The following KCNJ6 variants were observed in gnomAD, a reference collection of about 807,000 sequenced individuals.
The protein encoded by KCNJ6 is G protein-activated inward rectifier potassium channel 2.
Under a neutral mutation model 34.2 loss-of-function variants are expected in KCNJ6, and 9 were observed. That is an observed-to-expected ratio of 0.26 (90% CI 0.16 to 0.46). The LOEUF (loss-of-function observed/expected upper bound fraction) is 0.46, where lower values mean the gene tolerates loss of function less well. Among genes scored for constraint, KCNJ6 ranks in the 20% least tolerant of loss-of-function variants. The pLI is 1.00. For synonymous variants in KCNJ6, 196 were observed against 207.1 expected (o/e 0.95, Z 0.46); for missense variants, 236 against 531.3 (o/e 0.44, Z 5.46).
chr21:37,619,933 C>G lies in KCNJ6; in HGVS notation c.*5226G>C, dbSNP rs1304659764. ...CTGGCTGTTGACTCTATTTGCCACT[C>G]TGGAGGAATGGCATGAAAAGGAAGG... On this transcript the variant is annotated 3_prime_UTR_variant, in exon 4 of 4. Coordinates refer to ENST00000609713, the MANE Select transcript of KCNJ6 (RefSeq NM_002240.5). The G allele has an allele frequency of 6.6e-6, 1 of 152,158 alleles. No homozygotes were observed. Among genetic ancestry groups the G allele is most frequent in the Non-Finnish European group, 1.5e-5 (1 of 68,040 alleles). 9.4% of individuals were successfully genotyped at this position (152,158 alleles called of 1,614,324 possible).
At chr21:37,773,978 A>G (rs1381728064) in intron 2 of KCNJ6, among the ~76,000 whole-genome samples, 1 of 152,154 alleles carries the variant, frequency 6.6e-6, no homozygotes, top group East Asian at 1.9e-4. Flanking sequence ...TTTCCAAAAC[A>G]CTGTTTTTAT....
At chr21:37,792,597 G>A (rs1354657232) in intron 2 of KCNJ6, among the ~76,000 whole-genome samples, 1 of 152,108 alleles carries the variant, frequency 6.6e-6, no homozygotes, top group Non-Finnish European at 1.5e-5. Context: ...ATATGCTAAG[G>A]GTTGTATGCT....
intron 1 of KCNJ6, among the ~76,000 whole-genome samples, chr21:37,879,756 TGA>T (rs890607186): frequency 2.5e-4 from 30 of 118,940 alleles, no homozygotes; most frequent in Non-Finnish European, 1.1e-4. Context: ...TGTGTGTGTG[TGA>T]CAGAGAGAGA....
intron 1 of KCNJ6, among the ~76,000 whole-genome samples, chr21:37,886,419 AG>A (rs930552816): frequency 2.0e-4 from 30 of 152,340 alleles, no homozygotes; most frequent in African/African-American, 7.2e-4. Context: ...CCCGAAAGTA[AG>A]AAAACAGAGT....
intron 1 of KCNJ6, among the ~76,000 whole-genome samples, chr21:37,880,941 T>A (rs2055704645): frequency 6.6e-6 from 1 of 151,972 alleles, no homozygotes; most frequent in South Asian, 2.1e-4. Flanking sequence ...TAGAGATGGC[T>A]CAGGAGGGAT....
chr21:37,912,083 A>G (rs2055869501), intron 1 of KCNJ6, among the ~76,000 whole-genome samples: 1 of 152,192 alleles, frequency 6.6e-6, no homozygotes, highest in Admixed American at 6.5e-5. Context: ...AGGAAAACAT[A>G]CTAATGTTTA....
rs1008130338 is a variant in KCNJ6, at chr21:37,612,851, TAA to T, written c.*12306_*12307del. 1.2e-4 allele frequency: 17 copies of T among 144,918 alleles called. No homozygotes were observed. Among genetic ancestry groups the T allele is most frequent in the African/African-American group, 4.1e-4 (16 of 39,486 alleles). 9.0% of individuals were successfully genotyped at this position (144,918 alleles called of 1,614,324 possible). The stretch of plus-strand genomic sequence containing the variant: ...TATACAACTCCTAGAAGGTAACATA[TAA>T]GAGAAAACTTAGATGACCTTGGATA... On this transcript the variant is annotated 3_prime_UTR_variant, in exon 4 of 4. Transcript: ENST00000609713.
intron 1 of KCNJ6, among the ~76,000 whole-genome samples, chr21:37,864,132 G>C (rs78147187): frequency 0.039 from 5,854 of 149,902 alleles, 168 homozygotes; most frequent in East Asian, 0.1. Flanking sequence ...TTTTGTTTTA[G>C]GTAGATTCTC....
chr21:37,861,772 C>G (rs1454406946), intron 1 of KCNJ6, among the ~76,000 whole-genome samples: 1 of 152,170 alleles, frequency 6.6e-6, no homozygotes. Flanking sequence ...TTGAGAAGCA[C>G]CAAACTGGGG....
intron 2 of KCNJ6, among the ~76,000 whole-genome samples, chr21:37,831,580 A>G (rs2055426155): frequency 6.6e-6 from 1 of 152,190 alleles, no homozygotes; most frequent in Admixed American, 6.5e-5. Flanking sequence ...ATAGGAGAGC[A>G]TGAAAACCCG....
intron 2 of KCNJ6, among the ~76,000 whole-genome samples, chr21:37,839,596 T>C (rs1282227573): frequency 6.6e-6 from 1 of 152,198 alleles, no homozygotes; most frequent in East Asian, 1.9e-4. Flanking sequence ...CCAAATTTAA[T>C]AAGGTGTTCA....
At chr21:37,671,894 T>G (rs528487662) in intron 3 of KCNJ6, among the ~76,000 whole-genome samples, 74 of 152,338 alleles carry the variant, frequency 4.9e-4, no homozygotes, top group African/African-American at 1.6e-3. Flanking sequence ...ACATTTTTTT[T>G]TGTGTTGATC....
intron 2 of KCNJ6, among the ~76,000 whole-genome samples, chr21:37,736,659 C>T (rs1316107114): frequency 1.3e-5 from 2 of 152,138 alleles, no homozygotes; most frequent in African/African-American, 4.8e-5. Context: ...GCCAGTGTCC[C>T]GATGGGGAGA....
intron 2 of KCNJ6, among the ~76,000 whole-genome samples, chr21:37,765,955 T>C (rs1333448749): frequency 6.6e-6 from 1 of 152,220 alleles, no homozygotes; most frequent in African/African-American, 2.4e-5. Flanking sequence ...ATATTATGTA[T>C]TTTGCATATT....
chr21:37,858,701 T>C (rs558090137), intron 1 of KCNJ6, among the ~76,000 whole-genome samples: 1 of 152,274 alleles, frequency 6.6e-6, no homozygotes, highest in Admixed American at 6.5e-5. Flanking sequence ...TCAGCCACAC[T>C]GGTGTTCAAG....
intron 1 of KCNJ6, among the ~76,000 whole-genome samples, chr21:37,861,145 G>A (rs1002197224): frequency 6.6e-6 from 1 of 152,120 alleles, no homozygotes; most frequent in Non-Finnish European, 1.5e-5. Flanking sequence ...ATTATTGCCC[G>A]ACTCCCTACC....
chr21:37,879,389 A>G (rs2055695275), intron 1 of KCNJ6, among the ~76,000 whole-genome samples: 1 of 152,168 alleles, frequency 6.6e-6, no homozygotes, highest in South Asian at 2.1e-4. Flanking sequence ...GTGATGCTCC[A>G]GCACTAAACT....
At chr21:37,841,039 CCTCT>C (rs562693839) in intron 1 of KCNJ6, among the ~76,000 whole-genome samples, 3 of 151,698 alleles carry the variant, frequency 2.0e-5, no homozygotes, top group Non-Finnish European at 2.9e-5. Context: ...ATTTTTTTTT[CCTCT>C]CTGTTTCCCC....
At chr21:37,787,268 T>C (rs570733957) in intron 2 of KCNJ6, among the ~76,000 whole-genome samples, 1 of 152,296 alleles carries the variant, frequency 6.6e-6, no homozygotes, top group African/African-American at 2.4e-5. Flanking sequence ...GAAAACTTCT[T>C]AGGAAGAGCT....
Sources: gnomAD v4.1 joint callset for allele counts (sites outside exome capture counted in the v4.1 genomes callset) on GRCh38, gnomAD v4.1.1 for gene constraint, MANE v1.5 for transcripts, NCBI Gene and HGNC (gene_info 2026-07-23, HGNC 2026-07-21) for gene names.